The following FER variants were observed in gnomAD, a reference collection of about 807,000 sequenced individuals.
FER encodes the protein tyrosine-protein kinase Fer.
FER carries 63 observed loss-of-function variants against 111.0 expected under a neutral mutation model. The observed-to-expected ratio is 0.57, with a 90% CI of 0.46 to 0.70. The LOEUF (loss-of-function observed/expected upper bound fraction) is 0.70. Ranked by LOEUF, FER falls within the 30% of genes least tolerant of loss-of-function variation. The probability of loss-of-function intolerance (pLI) is 0.00; values close to 1 mark genes in which losing one functional copy is unlikely to be tolerated. For synonymous variants in FER, 327 were observed against 313.9 expected, an observed-to-expected ratio of 1.04 and a Z score of -0.44; for missense variants, 914 against 954.0, an observed-to-expected ratio of 0.96 and a Z score of 0.55.
In FER at chr5:109,188,122, C is replaced by T; in HGVS notation, c.*547C>T. 1 of 152,680 alleles carries T rather than the reference C, an allele frequency of 6.5e-6. No individual in the cohort carries two copies. The highest frequency in any genetic ancestry group is 1.5e-5 in the Non-Finnish European group (1 of 68,680). 9.5% of individuals were successfully genotyped at this position (152,680 alleles called of 1,614,324 possible). A position where few individuals can be genotyped will look rare whatever the true frequency, so the allele number is the denominator to read the frequency against. ...CTTTTCTTTCTTGCCAGGTATAAGC[C>T]CAATGTAAGAATCATCATGCTCCTA... is the stretch of plus-strand genomic sequence containing the variant. On this transcript the variant is annotated 3_prime_UTR_variant, in exon 20 of 20. Transcript: ENST00000281092.
intron 17 of FER, among the ~76,000 whole-genome samples, chr5:109,180,459 C>T (rs1758172005): frequency 6.6e-6 from 1 of 152,114 alleles, no homozygotes; most frequent in South Asian, 2.1e-4. Flanking sequence ...CTTTGCTTAG[C>T]CTCTTCTCTG....
chr5:108,791,260 G>A (rs1354144162), intron 2 of FER, among the ~76,000 whole-genome samples: 2 of 151,828 alleles, frequency 1.3e-5, no homozygotes, highest in African/African-American at 4.8e-5. Context: ...TAATGTTTCA[G>A]CTAGCAAGGG....
At chr5:108,777,864 C>T (rs1007429036) in intron 2 of FER, among the ~76,000 whole-genome samples, 3 of 152,064 alleles carry the variant, frequency 2.0e-5, no homozygotes, top group African/African-American at 7.2e-5. Flanking sequence ...GACCCATTCA[C>T]GATCAAGAGA....
At chr5:108,916,425 AC>A (rs1752267693) in intron 10 of FER, among the ~76,000 whole-genome samples, 2 of 151,768 alleles carry the variant, frequency 1.3e-5, no homozygotes, top group Admixed American at 1.3e-4. Context: ...TTAGATGTTT[AC>A]CTTAATAATT....
intron 16 of FER, among the ~76,000 whole-genome samples, chr5:109,057,137 C>T (rs1424365313): frequency 1.3e-5 from 2 of 152,174 alleles, no homozygotes; most frequent in African/African-American, 2.4e-5. Context: ...GCATATGGGA[C>T]TCTTCATCTT....
At chr5:109,047,047 C>A in intron 15 of FER, 57 bp from the exon 16 acceptor site, 2 of 981,754 alleles carry the variant, frequency 2.0e-6, no homozygotes, top group African/African-American at 1.7e-5. Flanking sequence ...TTTGTGATCA[C>A]AAATTAATGC....
chr5:109,191,975 T>G lies in FER; in HGVS notation c.*4400T>G, dbSNP rs1394532789. 6.6e-6 allele frequency: 1 copy of G among 152,116 alleles called. No individual in the cohort carries two copies. The highest frequency in any genetic ancestry group is 2.4e-5 in the African/African-American group (1 of 41,426). The allele number at this position is 152,116 out of a possible 1,614,324, so 9.4% of individuals were successfully genotyped here. On this transcript the variant is annotated 3_prime_UTR_variant, in exon 20 of 20. Coordinates refer to ENST00000281092, the MANE Select transcript of FER (RefSeq NM_005246.4). ...AGGTGTATAAACTATACCTTAGCCATAATTCAATTTAATGAAATACTACCC... is the reference window on the plus strand; with the variant it reads ...AGGTGTATAAACTATACCTTAGCCAGAATTCAATTTAATGAAATACTACCC...
chr5:108,786,889 T>G (rs1244049938), intron 2 of FER, among the ~76,000 whole-genome samples: 1 of 152,158 alleles, frequency 6.6e-6, no homozygotes, highest in Non-Finnish European at 1.5e-5. Context: ...TTTTTGCAGT[T>G]TTTACATCTT....
Position 108,809,984 on chromosome 5 carries a change from TC to T in FER, c.207+11596del, listed in dbSNP as rs369916659. On this transcript the variant is annotated intron_variant, in intron 3 of 19. Coordinates refer to ENST00000281092, the MANE Select transcript of FER (RefSeq NM_005246.4). ...TTCACATTTTTCATAGTGCCAGAAT[TC>T]TTGTGCTGGTTCCTTCTCATCTAGA... is the stretch of plus-strand genomic sequence containing the variant. Among the ~76,000 whole-genome samples, 639 of 152,368 alleles carry T rather than the reference TC, an allele frequency of 4.2e-3. 5 individuals are homozygous for T. The highest frequency in any genetic ancestry group is 0.015 in the African/African-American group (620 of 41,588).
At chr5:109,138,137 G>T (rs952760812) in intron 17 of FER, among the ~76,000 whole-genome samples, 2 of 152,284 alleles carry the variant, frequency 1.3e-5, no homozygotes, top group East Asian at 3.9e-4. Context: ...ACAGGAAAAG[G>T]AGGGTGGGAG....
At chr5:108,966,668 G>C (rs1335910965) in intron 13 of FER, among the ~76,000 whole-genome samples, 1 of 152,056 alleles carries the variant, frequency 6.6e-6, no homozygotes, top group Non-Finnish European at 1.5e-5. Flanking sequence ...TTACAGGCGT[G>C]AGCCACTGCG....
chr5:108,945,212 A>G (rs1003504970), intron 10 of FER, among the ~76,000 whole-genome samples: 1 of 152,158 alleles, frequency 6.6e-6, no homozygotes, highest in African/African-American at 2.4e-5. Flanking sequence ...AGTGTGCTTG[A>G]CAAAAGGATC....
At chr5:109,051,445 T>A in intron 16 of FER, 1 of 1,613,214 alleles carries the variant, frequency 6.2e-7, no homozygotes, top group Non-Finnish European at 8.5e-7. Context: ...CTGGTTATCA[T>A]CGGGGAAATC....
chr5:109,021,498 A>C (rs1408323127), intron 13 of FER, among the ~76,000 whole-genome samples: 1 of 152,060 alleles, frequency 6.6e-6, no homozygotes, highest in Non-Finnish European at 1.5e-5. Context: ...CTAGAGGGAT[A>C]CTCTGAATAC....
chr5:109,050,804 C>T (rs1772687289), intron 16 of FER, among the ~76,000 whole-genome samples: 1 of 152,156 alleles, frequency 6.6e-6, no homozygotes, highest in African/African-American at 2.4e-5. Flanking sequence ...GAAAGCTAAC[C>T]TTCAAAGTGC....
chr5:108,890,707 C>T (rs1206487759), intron 9 of FER, among the ~76,000 whole-genome samples: 1 of 152,028 alleles, frequency 6.6e-6, no homozygotes, highest in Non-Finnish European at 1.5e-5. Context: ...TCTGAGATTT[C>T]AGGCATTAGG....
intron 14 of FER, among the ~76,000 whole-genome samples, chr5:109,040,114 G>A (rs1323141308): frequency 1.3e-5 from 2 of 152,108 alleles, no homozygotes; most frequent in Non-Finnish European, 2.9e-5. Context: ...ACGAGAAGAG[G>A]TGTTCAGTTT....
chr5:109,156,477 T>G (rs1025036871), intron 17 of FER, among the ~76,000 whole-genome samples: 1 of 151,972 alleles, frequency 6.6e-6, no homozygotes. Context: ...AGGCACCTAG[T>G]TAAGCCCTGG....
chr5:108,761,308 T>G (rs539367059), intron 1 of FER, among the ~76,000 whole-genome samples: 15 of 152,318 alleles, frequency 9.8e-5, no homozygotes, highest in Non-Finnish European at 1.8e-4. Context: ...ACTATTCCTT[T>G]TATTTGAACA....
Sources: gnomAD v4.1 joint callset for allele counts (sites outside exome capture counted in the v4.1 genomes callset) on GRCh38, gnomAD v4.1.1 for gene constraint, MANE v1.5 for transcripts, NCBI Gene and HGNC (gene_info 2026-07-23, HGNC 2026-07-21) for gene names.